The following EYA1 variants were observed in gnomAD, a reference collection of about 807,000 sequenced individuals.
The protein encoded by EYA1 is protein phosphatase EYA1.
In EYA1, 16 loss-of-function variants were observed where a neutral mutation model predicts 82.0. That is an observed-to-expected ratio of 0.20 (90% CI 0.13 to 0.30). The LOEUF (loss-of-function observed/expected upper bound fraction) is 0.30. EYA1 is among the 10% of genes least tolerant of loss of function. The pLI, the probability that EYA1 is intolerant of heterozygous loss-of-function variation, is 1.00. For missense variants in EYA1, 633 were observed against 730.7 expected, an observed-to-expected ratio of 0.87 and a Z score of 1.54; for synonymous variants, 261 against 264.4, an observed-to-expected ratio of 0.99 and a Z score of 0.12.
intron 2 of EYA1, among the ~76,000 whole-genome samples, chr8:71,386,348 A>G (rs1412444312): frequency 1.3e-5 from 2 of 152,190 alleles, no homozygotes; most frequent in Non-Finnish European, 2.9e-5. Flanking sequence ...CAAGCTCTCA[A>G]AAGGGGTCAT....
intron 2 of EYA1, among the ~76,000 whole-genome samples, chr8:71,369,306 G>A (rs933388917): frequency 6.6e-6 from 1 of 151,790 alleles, no homozygotes; most frequent in Non-Finnish European, 1.5e-5. Flanking sequence ...ATTATTCAAG[G>A]TTGAAATGCT....
At chr8:71,225,916 A>T (rs1025220729) in intron 12 of EYA1, among the ~76,000 whole-genome samples, 2 of 152,190 alleles carry the variant, frequency 1.3e-5, no homozygotes, top group Non-Finnish European at 2.9e-5. Context: ...TAGCTAGGAG[A>T]CCTAAGTGCT....
intron 2 of EYA1, among the ~76,000 whole-genome samples, chr8:71,431,712 T>C (rs1805629247): frequency 6.6e-6 from 1 of 152,160 alleles, no homozygotes; most frequent in South Asian, 2.1e-4. Context: ...TAGGGAAGTA[T>C]TAGTCTGTGT....
At chr8:71,458,255 C>T (rs1462370861) in intron 2 of EYA1, among the ~76,000 whole-genome samples, 1 of 152,026 alleles carries the variant, frequency 6.6e-6, no homozygotes, top group African/African-American at 2.4e-5. Flanking sequence ...CTTATATAGT[C>T]TGAGGTAAGA....
At position 71,199,046 on chromosome 8, in the gene EYA1, C is replaced by T. The variant is rs1159707136; in HGVS notation, c.*294G>A. 2.2e-6 allele frequency: 1 copy of T among 453,458 alleles called. No homozygotes were observed. Among genetic ancestry groups the T allele is most frequent in the Non-Finnish European group, 4.1e-6 (1 of 245,584 alleles). The allele number at this position is 453,458 out of a possible 1,614,324, so 28.1% of individuals were successfully genotyped here. A position where few individuals can be genotyped will look rare whatever the true frequency, so the allele number is the denominator to read the frequency against. ...GCTAACAACTGAAGCGTTTGCAGGT[C>T]CTTTCTTCACAGGTTTGAACCGTGT... On this transcript the variant is annotated 3_prime_UTR_variant, in exon 18 of 18. Transcript: ENST00000340726.
chr8:71,351,013 A>G (rs183639528), intron 3 of EYA1, among the ~76,000 whole-genome samples: 3 of 152,308 alleles, frequency 2.0e-5, no homozygotes, highest in Non-Finnish European at 4.4e-5. Flanking sequence ...GCTTGCACAG[A>G]TTCCCAAACA....
At chr8:71,271,941 C>A (rs375699510) in intron 9 of EYA1, 44 bp from the exon 10 acceptor site, 2 of 1,610,818 alleles carry the variant, frequency 1.2e-6, no homozygotes, top group East Asian at 2.2e-5. Context: ...TTTCCATCAC[C>A]ATGGTGCCAA....
chr8:71,392,972 C>T (rs568505540), intron 2 of EYA1, among the ~76,000 whole-genome samples: 6 of 152,004 alleles, frequency 3.9e-5, no homozygotes, highest in Non-Finnish European at 5.9e-5. Context: ...TAATTAATAG[C>T]GGTGCACAAT....
chr8:71,263,410 A>T (rs1010080588), intron 11 of EYA1, among the ~76,000 whole-genome samples: 6 of 152,224 alleles, frequency 3.9e-5, no homozygotes, highest in Admixed American at 3.9e-4. Context: ...AGCAACCTGG[A>T]ACATCCCCAC....
At chr8:71,441,119 A>C (rs1003008685) in intron 2 of EYA1, among the ~76,000 whole-genome samples, 10 of 152,322 alleles carry the variant, frequency 6.6e-5, no homozygotes, top group African/African-American at 1.9e-4. Context: ...GAATGATTTG[A>C]GAAATTGTAA....
chr8:71,382,237 T>C (rs1308251692), intron 2 of EYA1, among the ~76,000 whole-genome samples: 1 of 152,200 alleles, frequency 6.6e-6, no homozygotes, highest in Non-Finnish European at 1.5e-5. Flanking sequence ...ATTTTCATAA[T>C]TAAAATTATG....
At chr8:71,443,707 C>T (rs943178130) in intron 2 of EYA1, among the ~76,000 whole-genome samples, 16 of 152,210 alleles carry the variant, frequency 1.1e-4, no homozygotes, top group Non-Finnish European at 1.2e-4. Flanking sequence ...ATTGGCCTTG[C>T]ATATTTAGTG....
At chr8:71,233,583 A>G (rs1188767149) in intron 12 of EYA1, among the ~76,000 whole-genome samples, 1 of 151,950 alleles carries the variant, frequency 6.6e-6, no homozygotes, top group Non-Finnish European at 1.5e-5. Context: ...AAAAAAAGAA[A>G]AAAAAGAAAG....
At chr8:71,302,139 C>A (rs1292736737) in intron 7 of EYA1, among the ~76,000 whole-genome samples, 1 of 151,664 alleles carries the variant, frequency 6.6e-6, no homozygotes, top group Non-Finnish European at 1.5e-5. Flanking sequence ...GAAAAATTAC[C>A]TTGGGTTATG....
chr8:71,282,907 G>A (rs1280463734), intron 9 of EYA1, among the ~76,000 whole-genome samples: 2 of 150,392 alleles, frequency 1.3e-5, no homozygotes, highest in African/African-American at 2.4e-5. Context: ...CATGTGCTAA[G>A]CAGAAGCTCT....
chr8:71,359,001 T>C (rs929701161), intron 1 of EYA1, among the ~76,000 whole-genome samples: 5 of 152,178 alleles, frequency 3.3e-5, no homozygotes, highest in Admixed American at 2.0e-4. Context: ...TAAATACTTC[T>C]ATGAGTGCAA....
At chr8:71,324,212 A>G (rs1400053304) in intron 4 of EYA1, among the ~76,000 whole-genome samples, 2 of 152,214 alleles carry the variant, frequency 1.3e-5, no homozygotes, top group Non-Finnish European at 2.9e-5. Flanking sequence ...AGAATAAAAG[A>G]TATCAGGGTT....
intron 2 of EYA1, among the ~76,000 whole-genome samples, chr8:71,472,161 TGCTAAGCTAGTGTTTACA>T (rs1210632712): frequency 6.6e-6 from 1 of 152,182 alleles, no homozygotes; most frequent in Non-Finnish European, 1.5e-5. Context: ...TGTATGCCTG[TGCTAAGCTAGTGTTTACA>T]GCTTGGTTTC....
At position 71,322,283 on chromosome 8, in the gene EYA1, C is replaced by G. The variant is rs772006212; in HGVS notation, c.203-15G>C. 2 of 1,610,462 alleles carry G rather than the reference C, an allele frequency of 1.2e-6. No homozygotes were observed. Among genetic ancestry groups the G allele is most frequent in the Non-Finnish European group, 1.7e-6 (2 of 1,176,926 alleles). On this transcript the variant is annotated splice_polypyrimidine_tract_variant and intron_variant, in intron 4 of 17. Coordinates refer to ENST00000340726, the MANE Select transcript of EYA1 (RefSeq NM_000503.6). ...GCTCCCAATTGCTGGAAAACAAAAA[C>G]AAAACAAAATAATGCACAATAATCC...
Sources: allele counts gnomAD v4.1 joint callset (sites outside exome capture counted in the v4.1 genomes callset), GRCh38; gene constraint gnomAD v4.1.1; transcripts MANE v1.5; gene names NCBI Gene and HGNC (gene_info 2026-07-23, HGNC 2026-07-21).